Variants in TMTC2 observed in about 807,000 individuals in gnomAD.
TMTC2 encodes transmembrane O-mannosyltransferase targeting cadherins 2.
Under a neutral mutation model 82.4 loss-of-function variants are expected in TMTC2, and 43 were observed. The ratio of observed to expected loss-of-function variants is 0.52; its 90% CI spans 0.41 to 0.67. The LOEUF is 0.67. Among genes scored for constraint, TMTC2 ranks in the 30% least tolerant of loss-of-function variants. The pLI is 0.00. For missense variants in TMTC2, 919 were observed against 1,012.4 expected (o/e 0.91, Z 1.25); for synonymous variants, 408 against 381.9 (o/e 1.07, Z -0.80).
chr12:82,689,794 A>G (rs758704525), intron 1 of TMTC2, among the ~76,000 whole-genome samples: 1 of 152,204 alleles, frequency 6.6e-6, no homozygotes, highest in African/African-American at 2.4e-5. Context: ...GTAGCTACAT[A>G]GGTGAATATA....
intron 1 of TMTC2, among the ~76,000 whole-genome samples, chr12:82,838,190 T>G (rs1300293374): frequency 6.6e-6 from 1 of 152,214 alleles, no homozygotes; most frequent in African/African-American, 2.4e-5. Context: ...GTGCAACCAG[T>G]GCTCACTTAT....
At position 83,056,628 on chromosome 12, in the gene TMTC2, G is replaced by A. The variant is rs1565871645; in HGVS notation, c.2268-5140G>A. On this transcript the variant is annotated intron_variant, in intron 10 of 11. Transcript: ENST00000321196. ...GTGTGCTTACGTGTGTGTATCTTGG[G>A]GATGTGTGTATATATTTCCAGCGCC... Among the ~76,000 whole-genome samples the A allele has an allele frequency of 2.6e-5, 4 of 151,756 alleles. No homozygotes were observed. In the South Asian group the frequency reaches 8.3e-4, roughly 31 times the overall value.
chr12:82,915,189 T>C (rs1874932309), intron 3 of TMTC2, among the ~76,000 whole-genome samples: 1 of 152,144 alleles, frequency 6.6e-6, no homozygotes, highest in Non-Finnish European at 1.5e-5. Flanking sequence ...GGTTAAAGAT[T>C]CCAAACTTTG....
At chr12:82,986,087 T>A (rs1879143511) in intron 8 of TMTC2, 41 bp downstream of exon 8, 1 of 1,613,364 alleles carries the variant, frequency 6.2e-7, no homozygotes. Context: ...CTTGGTTTTC[T>A]CCATGCAGAC....
chr12:82,836,983 C>G (rs1001843524), intron 1 of TMTC2, among the ~76,000 whole-genome samples: 1 of 152,138 alleles, frequency 6.6e-6, no homozygotes, highest in Non-Finnish European at 1.5e-5. Flanking sequence ...TTTTCATCCT[C>G]GAATTCATTT....
At chr12:83,092,478 T>A (rs1883876890) in intron 11 of TMTC2, among the ~76,000 whole-genome samples, 1 of 152,188 alleles carries the variant, frequency 6.6e-6, no homozygotes, top group Non-Finnish European at 1.5e-5. Flanking sequence ...AATATAATTA[T>A]GCCCCTGAAT....
At chr12:83,001,649 A>G (rs1029595003) in intron 8 of TMTC2, among the ~76,000 whole-genome samples, 20 of 151,708 alleles carry the variant, frequency 1.3e-4, no homozygotes, top group East Asian at 1.9e-4. Flanking sequence ...AAAAAAAAAA[A>G]AAAAAGAAAA....
chr12:83,061,665 T>C, intron 10 of TMTC2, 103 bp from the exon 11 acceptor site: 1 of 975,568 alleles, frequency 1.0e-6, no homozygotes, highest in Non-Finnish European at 1.4e-6. Flanking sequence ...TTGTTTGGTG[T>C]GACCAGAATT....
intron 2 of TMTC2, among the ~76,000 whole-genome samples, chr12:82,868,738 A>T (rs747669520): frequency 1.4e-5 from 2 of 144,294 alleles, no homozygotes; most frequent in Non-Finnish European, 3.0e-5. Flanking sequence ...AGGCACTATT[A>T]TCATCTAAAG....
intron 2 of TMTC2, among the ~76,000 whole-genome samples, chr12:82,866,510 T>C (rs1871872972): frequency 6.6e-6 from 1 of 152,196 alleles, no homozygotes. Context: ...GATCTTGTGA[T>C]GAATAAATAA....
chr12:82,961,348 T>A (rs1645424112), intron 4 of TMTC2, among the ~76,000 whole-genome samples: 1 of 151,920 alleles, frequency 6.6e-6, no homozygotes, highest in South Asian at 2.1e-4. Flanking sequence ...GTGCTAGAAT[T>A]GGCCCAAATT....
intron 1 of TMTC2, among the ~76,000 whole-genome samples, chr12:82,692,563 A>T (rs1872623148): frequency 6.6e-6 from 1 of 152,186 alleles, no homozygotes; most frequent in African/African-American, 2.4e-5. Flanking sequence ...GGCTCTTTGA[A>T]AAATCTGTGG....
chr12:82,922,190 C>T (rs1448305800), intron 3 of TMTC2, among the ~76,000 whole-genome samples: 1 of 151,980 alleles, frequency 6.6e-6, no homozygotes, highest in Non-Finnish European at 1.5e-5. Context: ...AATAAAATTG[C>T]ACTTTTAAAA....
At chr12:82,771,975 T>C (rs1877337860) in intron 1 of TMTC2, among the ~76,000 whole-genome samples, 1 of 152,196 alleles carries the variant, frequency 6.6e-6, no homozygotes, top group African/African-American at 2.4e-5. Flanking sequence ...TCGCAGATTG[T>C]CTCATTAACC....
At chr12:82,898,986 T>G (rs987396363) in intron 3 of TMTC2, among the ~76,000 whole-genome samples, 1 of 152,236 alleles carries the variant, frequency 6.6e-6, no homozygotes, top group Non-Finnish European at 1.5e-5. Flanking sequence ...AAAGTTACGA[T>G]TCTAAATAAG....
chr12:83,088,138 C>A (rs1313948652), intron 11 of TMTC2, among the ~76,000 whole-genome samples: 1 of 152,174 alleles, frequency 6.6e-6, no homozygotes, highest in Non-Finnish European at 1.5e-5. Context: ...TAGAGATGAA[C>A]CTTTCTTTAA....
At chr12:83,065,526 AT>A (rs1882887847) in intron 11 of TMTC2, among the ~76,000 whole-genome samples, 1 of 151,880 alleles carries the variant, frequency 6.6e-6, no homozygotes, top group South Asian at 2.1e-4. Flanking sequence ...TATTTACTTG[AT>A]TTTTGGGGCT....
At chr12:82,986,648 A>G (rs1158295223) in intron 8 of TMTC2, 2 of 152,692 alleles carry the variant, frequency 1.3e-5, no homozygotes, top group African/African-American at 4.8e-5. Flanking sequence ...AATTCCTTCT[A>G]ATTAAAATCA....
intron 8 of TMTC2, among the ~76,000 whole-genome samples, chr12:83,004,062 T>C (rs1880041769): frequency 6.6e-6 from 1 of 152,176 alleles, no homozygotes; most frequent in Non-Finnish European, 1.5e-5. Context: ...GATTTAATCA[T>C]TTTTCTTATT....
Sources: allele counts gnomAD v4.1 joint callset (sites outside exome capture counted in the v4.1 genomes callset), GRCh38; gene constraint gnomAD v4.1.1; transcripts MANE v1.5; gene names NCBI Gene and HGNC (gene_info 2026-07-23, HGNC 2026-07-21).